Variants in LRMDA observed in about 807,000 individuals in gnomAD.
The protein encoded by LRMDA is leucine rich melanocyte differentiation associated, also known as leucine-rich melanocyte differentiation-associated protein.
A neutral mutation model predicts 29.8 loss-of-function variants in LRMDA; 18 were observed. The ratio of observed to expected loss-of-function variants is 0.60; its 90% CI spans 0.42 to 0.90. The LOEUF (loss-of-function observed/expected upper bound fraction) is 0.90. Among genes scored for constraint, LRMDA ranks in the 40% least tolerant of loss-of-function variants. The probability of loss-of-function intolerance (pLI) is 0.00; values close to 1 mark genes in which losing one functional copy is unlikely to be tolerated. For synonymous variants in LRMDA, 125 were observed against 109.4 expected (o/e 1.14, Z -0.89); for missense variants, 273 against 273.9 (o/e 1.00, Z 0.02).
chr10:76,081,293 T>C (rs957278760), intron 5 of LRMDA, among the ~76,000 whole-genome samples: 1 of 152,096 alleles, frequency 6.6e-6, no homozygotes, highest in African/African-American at 2.4e-5. Flanking sequence ...CTGGGAAACA[T>C]GGCAAAATCC....
At chr10:75,823,000 C>G (rs903383247) in intron 2 of LRMDA, among the ~76,000 whole-genome samples, 3 of 152,136 alleles carry the variant, frequency 2.0e-5, no homozygotes, top group Admixed American at 6.5e-5. Context: ...GATTAAAGAC[C>G]TCAAACTACA....
At chr10:76,393,570 C>T (rs554451119) in intron 6 of LRMDA, among the ~76,000 whole-genome samples, 2 of 152,092 alleles carry the variant, frequency 1.3e-5, no homozygotes, top group Non-Finnish European at 2.9e-5. Context: ...AACCCCTTAT[C>T]AGATGCATGG....
intron 5 of LRMDA, among the ~76,000 whole-genome samples, chr10:76,226,596 GAAAACAAAAC>G (rs966145531): frequency 1.1e-4 from 17 of 152,112 alleles, no homozygotes; most frequent in Admixed American, 8.5e-4. Flanking sequence ...AAAAAGAAAA[GAAAACAAAAC>G]AAAACAAAAA....
intron 2 of LRMDA, among the ~76,000 whole-genome samples, chr10:75,498,614 G>A (rs1308592183): frequency 6.6e-6 from 1 of 152,190 alleles, no homozygotes; most frequent in Non-Finnish European, 1.5e-5. Context: ...GAGAGGAGCG[G>A]CTAGTATGAT....
Position 76,103,309 on chromosome 10 carries a change from CA to C in LRMDA, c.516+44528del, listed in dbSNP as rs1423515164. ...TTGAGGATAAAGAGGTTGTTTTTAA[CA>C]ATAAGAGCCCTCTTGAAAAGTCATG... On this transcript the variant is annotated intron_variant, in intron 5 of 6. Transcript: ENST00000611255. Among the ~76,000 whole-genome samples the C allele has an allele frequency of 2.0e-5, 3 of 152,162 alleles. No homozygotes were observed. In the East Asian group the frequency reaches 5.8e-4, roughly 29 times the overall value.
At chr10:75,541,883 C>T (rs922002000) in intron 2 of LRMDA, among the ~76,000 whole-genome samples, 3 of 152,152 alleles carry the variant, frequency 2.0e-5, no homozygotes, top group African/African-American at 7.2e-5. Flanking sequence ...TGTCTCTCCC[C>T]ACCTCTCTCT....
intron 6 of LRMDA, among the ~76,000 whole-genome samples, chr10:76,394,146 G>A (rs1436058070): frequency 6.6e-6 from 1 of 152,172 alleles, no homozygotes; most frequent in African/African-American, 2.4e-5. Context: ...AACAACAAGG[G>A]AGTGATAATT....
intron 2 of LRMDA, among the ~76,000 whole-genome samples, chr10:75,590,072 T>G (rs1440867196): frequency 6.6e-6 from 1 of 151,340 alleles, no homozygotes; most frequent in African/African-American, 2.4e-5. Flanking sequence ...CAGGCTGGAG[T>G]GCAGTGGTAC....
Position 75,668,220 on chromosome 10 carries a change from C to T in LRMDA, c.131+229726C>T, listed in dbSNP as rs561701760. Reference sequence around the variant, plus strand: ...CAGGAGTTTGGTGTTCTGTTGACCACGTAAGGCTCTTTTCTTCTCAGACTG... The same window carrying T: ...CAGGAGTTTGGTGTTCTGTTGACCATGTAAGGCTCTTTTCTTCTCAGACTG... On this transcript the variant is annotated intron_variant, in intron 2 of 6. Coordinates refer to ENST00000611255, the MANE Select transcript of LRMDA (RefSeq NM_001305581.2). 9.5e-4 allele frequency among the ~76,000 whole-genome samples: 145 copies of T among 152,280 alleles called. 1 individual carries two copies. Among genetic ancestry groups the T allele is most frequent in the African/African-American group, 3.3e-3 (139 of 41,562 alleles).
chr10:75,714,023 A>T (rs1380955433), intron 2 of LRMDA, among the ~76,000 whole-genome samples: 1 of 152,058 alleles, frequency 6.6e-6, no homozygotes, highest in Non-Finnish European at 1.5e-5. Context: ...TCTCTCCTCC[A>T]TAAAGTCTCC....
chr10:76,121,323 G>T (rs1849784490), intron 5 of LRMDA, among the ~76,000 whole-genome samples: 1 of 152,162 alleles, frequency 6.6e-6, no homozygotes, highest in African/African-American at 2.4e-5. Flanking sequence ...CAATTGTCTG[G>T]CAGAGGGCGT....
intron 2 of LRMDA, among the ~76,000 whole-genome samples, chr10:75,872,505 T>C (rs547133781): frequency 6.6e-5 from 10 of 152,046 alleles, no homozygotes; most frequent in African/African-American, 2.2e-4. Flanking sequence ...GGGGTTTCAC[T>C]ATGTTGGCCA....
intron 6 of LRMDA, among the ~76,000 whole-genome samples, chr10:76,476,937 C>T (rs1731057640): frequency 6.6e-6 from 1 of 152,096 alleles, no homozygotes; most frequent in South Asian, 2.1e-4. Context: ...AACCCACAGC[C>T]ATTATCATAC....
intron 2 of LRMDA, among the ~76,000 whole-genome samples, chr10:76,033,342 T>C (rs1240194509): frequency 6.6e-6 from 1 of 152,144 alleles, no homozygotes; most frequent in Non-Finnish European, 1.5e-5. Flanking sequence ...TAACGTCACA[T>C]AGCAAAAAGA....
At chr10:76,416,909 CT>C (rs998981701) in intron 6 of LRMDA, among the ~76,000 whole-genome samples, 1 of 152,148 alleles carries the variant, frequency 6.6e-6, no homozygotes, top group African/African-American at 2.4e-5. Flanking sequence ...GCATTTCTAT[CT>C]TTTAACTGTT....
intron 5 of LRMDA, among the ~76,000 whole-genome samples, chr10:76,240,861 C>CAT (rs1175708067): frequency 8.2e-6 from 1 of 122,422 alleles, no homozygotes; most frequent in Non-Finnish European, 1.8e-5. Context: ...TATATATATA[C>CAT]ATATATATAT....
chr10:75,529,086 G>T (rs1397057242), intron 2 of LRMDA, among the ~76,000 whole-genome samples: 1 of 152,106 alleles, frequency 6.6e-6, no homozygotes, highest in Non-Finnish European at 1.5e-5. Context: ...AATGATAACT[G>T]GGAATTATTT....
At chr10:76,170,631 A>G (rs551707439) in intron 5 of LRMDA, among the ~76,000 whole-genome samples, 1 of 152,326 alleles carries the variant, frequency 6.6e-6, no homozygotes, top group Non-Finnish European at 1.5e-5. Flanking sequence ...TTCAAAAGCA[A>G]TGGTAAAAAT....
chr10:75,485,078 G>A (rs944879374), intron 2 of LRMDA, among the ~76,000 whole-genome samples: 2 of 152,138 alleles, frequency 1.3e-5, no homozygotes, highest in Non-Finnish European at 2.9e-5. Context: ...AATACTTGGG[G>A]CCAGGCATTT....
Sources: allele counts gnomAD v4.1 joint callset (sites outside exome capture counted in the v4.1 genomes callset), GRCh38; gene constraint gnomAD v4.1.1; transcripts MANE v1.5; gene names NCBI Gene and HGNC (gene_info 2026-07-23, HGNC 2026-07-21).